MSH3: variants seen among roughly 807,000 people sequenced by gnomAD.
The protein encoded by MSH3 is mutS homolog 3, also known as DNA mismatch repair protein Msh3.
A neutral mutation model predicts 123.3 loss-of-function variants in MSH3; 106 were observed. The observed-to-expected ratio is 0.86, with a 90% confidence interval of 0.73 to 1.01. The LOEUF is 1.01. MSH3 is among the 50% of genes least tolerant of loss of function. MSH3 has a pLI of 0.00. For missense variants in MSH3, 1,459 were observed against 1,347.6 expected (o/e 1.08, Z -1.29); for synonymous variants, 515 against 481.4 (o/e 1.07, Z -0.91).
intron 14 of MSH3, 52 bp from the exon 15 acceptor site, chr5:80,768,783 C>T: frequency 6.9e-7 from 1 of 1,445,192 alleles, no homozygotes; most frequent in Non-Finnish European, 9.7e-7. Flanking sequence ...TAAGCGATAA[C>T]TGCTGTAATT....
At chr5:80,847,185 G>A (rs1745740157) in intron 20 of MSH3, among the ~76,000 whole-genome samples, 1 of 151,996 alleles carries the variant, frequency 6.6e-6, no homozygotes, top group Non-Finnish European at 1.5e-5. Flanking sequence ...TTAGCCTCCT[G>A]AGTAGCTGGG....
intron 19 of MSH3, among the ~76,000 whole-genome samples, chr5:80,813,347 A>C (rs1220021844): frequency 6.6e-6 from 1 of 152,264 alleles, no homozygotes; most frequent in African/African-American, 2.4e-5. Context: ...CATAGCAGTT[A>C]TCCACTTCTG....
chr5:80,707,460 C>T (rs1750749570), intron 8 of MSH3, among the ~76,000 whole-genome samples: 1 of 152,106 alleles, frequency 6.6e-6, no homozygotes, highest in Non-Finnish European at 1.5e-5. Flanking sequence ...CAGTGGTTCA[C>T]ACCTATAATC....
chr5:80,714,786 T>G (rs898622700), intron 8 of MSH3, among the ~76,000 whole-genome samples: 2 of 152,240 alleles, frequency 1.3e-5, no homozygotes, highest in Non-Finnish European at 2.9e-5. Context: ...GGAGCTCATG[T>G]AAGGTCATTC....
In MSH3 at chr5:80,756,005, G is replaced by A. The variant is rs1443293421; in HGVS notation, c.1764-5541G>A. 2.0e-5 allele frequency among the ~76,000 whole-genome samples: 3 copies of A among 151,838 alleles called. No individual in the cohort carries two copies. In the South Asian group the frequency reaches 6.2e-4, roughly 32 times the overall value. ...GAAACTTATTTAAAACAGTCTGATG[G>A]TACTCACATAAATCACCAAGTTAAA... is the stretch of plus-strand genomic sequence containing the variant. On this transcript the variant is annotated intron_variant, in intron 12 of 23. Coordinates refer to ENST00000265081, the MANE Select transcript of MSH3 (RefSeq NM_002439.5).
intron 19 of MSH3, among the ~76,000 whole-genome samples, chr5:80,795,623 A>G (rs1183437797): frequency 6.6e-6 from 1 of 152,206 alleles, no homozygotes; most frequent in Non-Finnish European, 1.5e-5. Context: ...CAAATTTGGG[A>G]GAGAGACAAA....
At chr5:80,666,568 A>G (rs1252651363) in intron 3 of MSH3, among the ~76,000 whole-genome samples, 4 of 152,238 alleles carry the variant, frequency 2.6e-5, no homozygotes, top group Non-Finnish European at 4.4e-5. Context: ...AAGTTTATCC[A>G]TTAAAGCTCA....
chr5:80,654,783 C>G lies in MSH3; in HGVS notation c.56C>G (p.Ala19Gly), dbSNP rs780785898. The part of the protein sequence containing the change: ...GGLAASSSAP[A>G]RQAVLSRFFQ... Reference sequence around the variant, plus strand: ...CTCGCTGCCTCCAGCTCAGCCCCTGCGAGGCAAGCGGTTTTGAGCCGATTC... The same window carrying G: ...CTCGCTGCCTCCAGCTCAGCCCCTGGGAGGCAAGCGGTTTTGAGCCGATTC... Residue 19 changes from alanine (A) to glycine (G), a missense_variant, in exon 1 of 24, where the codon GCG becomes GGG. By Grantham distance (60) the Ala-to-Gly change is moderately conservative. Transcript: ENST00000265081. The G allele has an allele frequency of 1.2e-6, 2 of 1,606,940 alleles. No homozygotes were observed. The highest frequency in any genetic ancestry group is 8.5e-7 in the Non-Finnish European group (1 of 1,177,396).
At position 80,759,852 on chromosome 5, in the gene MSH3, G is replaced by A. The variant is rs138795579; in HGVS notation, c.1764-1694G>A. On this transcript the variant is annotated intron_variant, in intron 12 of 23. Transcript: ENST00000265081. ...CTGCTGAGAATGGAAGAGCCAGCCC[G>A]TGTGTGTACAAAGCTCTGTCTTGCT... Among the ~76,000 whole-genome samples the A allele has an allele frequency of 1.3e-3, 202 of 152,268 alleles. 2 individuals carry two copies. Among genetic ancestry groups the A allele is most frequent in the African/African-American group, 4.6e-3 (190 of 41,542 alleles).
intron 2 of MSH3, among the ~76,000 whole-genome samples, chr5:80,660,816 C>T (rs1054660758): frequency 1.3e-5 from 2 of 152,128 alleles, no homozygotes; most frequent in Admixed American, 6.5e-5. Flanking sequence ...CCCCCACACC[C>T]GAGACAGCCT....
chr5:80,738,748 G>A (rs770790556), intron 10 of MSH3, among the ~76,000 whole-genome samples: 1 of 152,170 alleles, frequency 6.6e-6, no homozygotes, highest in African/African-American at 2.4e-5. Context: ...AACTGTTATG[G>A]CCTGGATGTT....
intron 20 of MSH3, among the ~76,000 whole-genome samples, chr5:80,829,406 T>C (rs1745380458): frequency 6.6e-6 from 1 of 152,220 alleles, no homozygotes; most frequent in African/African-American, 2.4e-5. Flanking sequence ...TTGAGGAAGT[T>C]CTCCTCTATT....
chr5:80,657,008 C>T (rs1650693), intron 2 of MSH3, among the ~76,000 whole-genome samples: 38,970 of 151,914 alleles, frequency 0.26, 5,176 homozygotes, highest in Middle Eastern at 0.33. Flanking sequence ...ATATTATATT[C>T]TATACTAATT....
At chr5:80,808,053 AG>A (rs1056977959) in intron 19 of MSH3, among the ~76,000 whole-genome samples, 78 of 152,122 alleles carry the variant, frequency 5.1e-4, no homozygotes, top group African/African-American at 1.9e-3. Flanking sequence ...TTCTCTATAA[AG>A]GGTTTTTACA....
intron 17 of MSH3, among the ~76,000 whole-genome samples, chr5:80,786,830 T>C (rs1744517858): frequency 6.6e-6 from 1 of 152,212 alleles, no homozygotes; most frequent in Non-Finnish European, 1.5e-5. Flanking sequence ...ATGTATGTTT[T>C]CTGAATAAGT....
chr5:80,785,174 T>C (rs1306595923), intron 17 of MSH3, among the ~76,000 whole-genome samples: 1 of 152,182 alleles, frequency 6.6e-6, no homozygotes, highest in East Asian at 1.9e-4. Flanking sequence ...CACACTACAA[T>C]AGAGAAATGT....
At chr5:80,875,650 C>T in intron 23 of MSH3, 101 bp from the exon 24 acceptor site, 1 of 712,704 alleles carries the variant, frequency 1.4e-6, no homozygotes, top group Admixed American at 2.1e-5. Context: ...ATAGAGCCTG[C>T]CCGGTATTCA....
rs1746314089 is a variant in MSH3 at position 80,876,642 on chromosome 5, GAAAA to G, written c.*783_*786del. ...AGACTCCATCTCAAAAAAAAAAAAA[GAAAA>G]AAGAAAAGAAATAGAATTATCAAGC... is the stretch of plus-strand genomic sequence containing the variant. On this transcript the variant is annotated 3_prime_UTR_variant, in exon 24 of 24. Coordinates refer to ENST00000265081, the MANE Select transcript of MSH3 (RefSeq NM_002439.5). Among the ~76,000 whole-genome samples, 1 of 147,730 alleles carries G rather than the reference GAAAA, an allele frequency of 6.8e-6. No homozygotes were observed. The highest frequency in any genetic ancestry group is 1.5e-5 in the Non-Finnish European group (1 of 66,508).
intron 8 of MSH3, among the ~76,000 whole-genome samples, chr5:80,688,741 T>G (rs2112826407): frequency 7.0e-6 from 1 of 143,394 alleles, no homozygotes; most frequent in Non-Finnish European, 1.6e-5. Flanking sequence ...TATAAAGGTT[T>G]CAATTTTTTT....
Sources: gnomAD v4.1 joint callset for allele counts (sites outside exome capture counted in the v4.1 genomes callset) on GRCh38, gnomAD v4.1.1 for gene constraint, MANE v1.5 for transcripts, NCBI Gene and HGNC (gene_info 2026-07-23, HGNC 2026-07-21) for gene names.